The following FUT8 variants were observed in gnomAD, a reference collection of about 807,000 sequenced individuals.
FUT8 encodes the protein alpha-(1,6)-fucosyltransferase.
A neutral mutation model predicts 71.3 loss-of-function variants in FUT8; 29 were observed. That is an observed-to-expected ratio of 0.41 (90% confidence interval 0.30 to 0.55). The LOEUF (loss-of-function observed/expected upper bound fraction) is 0.55, where lower values mean the gene tolerates loss of function less well. Ranked by LOEUF, FUT8 falls within the 20% of genes least tolerant of loss-of-function variation. The pLI, the probability that FUT8 is intolerant of heterozygous loss-of-function variation, is 0.34. For synonymous variants in FUT8, 254 were observed against 239.3 expected (o/e 1.06, Z -0.57); for missense variants, 544 against 702.1 (o/e 0.77, Z 2.55).
In FUT8 at chr14:65,633,012, C is replaced by CCG. The variant is rs1464382981; in HGVS notation, c.597+3407_597+3408insGC. On this transcript the variant is annotated intron_variant, in intron 6 of 10. Transcript: ENST00000673929. Reference sequence around the variant, plus strand: ...CCCTCTCCCCTCTCCCCTCCCCCCCCCCGTCTCCCCAGGGTCTCCCTCTCC... The same window carrying CCG: ...CCCTCTCCCCTCTCCCCTCCCCCCCCCGCCGTCTCCCCAGGGTCTCCCTCTCC... 6.8e-5 allele frequency among the ~76,000 whole-genome samples: 10 copies of CCG among 147,262 alleles called. 1 individual carries two copies. Among genetic ancestry groups the CCG allele is most frequent in the Admixed American group, 6.7e-4 (10 of 14,918 alleles).
In FUT8 at chr14:65,603,618, G is replaced by A. The variant is rs1432651014; in HGVS notation, c.204-12360G>A. ...GCTCATTTTCTAATTGAGCTTCTTT[G>A]GATCTTCTCTCTTCTTTTCTTGGTT... On this transcript the variant is annotated intron_variant, in intron 3 of 10. Transcript: ENST00000673929. This position sits in a 1 kb window ranked among gnomAD's most constrained non-coding sequence, Gnocchi z 4.5. 6.6e-6 allele frequency among the ~76,000 whole-genome samples: 1 copy of A among 151,350 alleles called. No homozygotes were observed.
intron 1 of FUT8, among the ~76,000 whole-genome samples, chr14:65,441,629 T>G (rs370182395): frequency 6.6e-6 from 1 of 151,918 alleles, no homozygotes; most frequent in Admixed American, 6.6e-5. Flanking sequence ...GGCACATGCC[T>G]GTAATCCCAG....
In FUT8 at chr14:65,483,719, C is replaced by T. The variant is rs2066366282; in HGVS notation, c.-228+28001C>T. On this transcript the variant is annotated intron_variant, in intron 2 of 10. Coordinates refer to ENST00000673929, the MANE Select transcript of FUT8 (RefSeq NM_001371533.1). The surrounding 1 kb of genome is among the most constrained non-coding windows in gnomAD (Gnocchi z 4.4). ...TTTTATAAATATTTAAATAACATAT[C>T]AATTTTTTTTTTTTGAGACAGAGTT... 6.6e-6 allele frequency among the ~76,000 whole-genome samples: 1 copy of T among 150,940 alleles called. No individual in the cohort carries two copies. Among genetic ancestry groups the T allele is most frequent in the South Asian group, 2.1e-4 (1 of 4,800 alleles).
chr14:65,698,948 C>G (rs550965535), intron 7 of FUT8, among the ~76,000 whole-genome samples: 3 of 152,146 alleles, frequency 2.0e-5, no homozygotes, highest in South Asian at 2.1e-4. Flanking sequence ...GATTGAGATA[C>G]CTCTGAGAGT....
intron 1 of FUT8, among the ~76,000 whole-genome samples, chr14:65,454,032 C>G (rs944954142): frequency 2.0e-5 from 3 of 152,162 alleles, no homozygotes; most frequent in African/African-American, 7.2e-5. Flanking sequence ...GAACACAGAT[C>G]TACACTAATT....
At chr14:65,532,195 A>G (rs748871772) in intron 2 of FUT8, among the ~76,000 whole-genome samples, 1 of 152,210 alleles carries the variant, frequency 6.6e-6, no homozygotes, top group Non-Finnish European at 1.5e-5. Flanking sequence ...AGAAATGGCC[A>G]CACTGCTTTC....
chr14:65,525,722 G>C (rs942390497), intron 2 of FUT8, among the ~76,000 whole-genome samples: 6 of 152,044 alleles, frequency 3.9e-5, no homozygotes, highest in East Asian at 1.9e-4. Flanking sequence ...TCCCTCTACA[G>C]ACTGCTTTAA....
intron 1 of FUT8, among the ~76,000 whole-genome samples, chr14:65,448,359 T>TA (rs1378907979): frequency 6.6e-6 from 1 of 152,196 alleles, no homozygotes; most frequent in Non-Finnish European, 1.5e-5. Flanking sequence ...AACTCATGCT[T>TA]ATCAGGAGGA....
intron 7 of FUT8, among the ~76,000 whole-genome samples, chr14:65,687,166 G>A (rs943652229): frequency 7.9e-5 from 12 of 151,586 alleles, no homozygotes; most frequent in African/African-American, 2.7e-4. Flanking sequence ...AATCATTCCA[G>A]GACTAGCCCT....
At chr14:65,633,856 C>T (rs932038669) in intron 6 of FUT8, among the ~76,000 whole-genome samples, 6 of 151,486 alleles carry the variant, frequency 4.0e-5, no homozygotes, top group Non-Finnish European at 7.4e-5. Flanking sequence ...GGTGGGGGGT[C>T]AGCCCCCACT....
At chr14:65,493,535 C>G (rs981106063) in intron 2 of FUT8, among the ~76,000 whole-genome samples, 1 of 152,074 alleles carries the variant, frequency 6.6e-6, no homozygotes, top group Non-Finnish European at 1.5e-5. Flanking sequence ...ACTGAAGTCT[C>G]AGGTACTGTG....
chr14:65,441,943 C>T (rs1215596655), intron 1 of FUT8, among the ~76,000 whole-genome samples: 1 of 151,944 alleles, frequency 6.6e-6, no homozygotes, highest in Non-Finnish European at 1.5e-5. Context: ...TGCTATCCCT[C>T]CTCCTCCCAC....
At chr14:65,696,472 C>G (rs1444297816) in intron 7 of FUT8, among the ~76,000 whole-genome samples, 1 of 152,088 alleles carries the variant, frequency 6.6e-6, no homozygotes, top group Non-Finnish European at 1.5e-5. Flanking sequence ...CAGCGTTTTT[C>G]AAAATTTTTT....
At position 65,667,742 on chromosome 14, in the gene FUT8, C is replaced by G. The variant is rs74480671; in HGVS notation, c.598-1501C>G. ...GCCATCCTAAGCAAAAAGAACAAAG[C>G]TGGAAGCACCGCATTACCCGAATTC... On this transcript the variant is annotated intron_variant, in intron 6 of 10. Coordinates refer to ENST00000673929, the MANE Select transcript of FUT8 (RefSeq NM_001371533.1). Among the ~76,000 whole-genome samples the G allele has an allele frequency of 2.3e-4, 35 of 152,216 alleles. 1 individual carries two copies. In the East Asian group the frequency reaches 6.6e-3, roughly 29 times the overall value.
intron 5 of FUT8, among the ~76,000 whole-genome samples, chr14:65,617,497 G>A (rs957654470): frequency 1.3e-5 from 2 of 152,128 alleles, no homozygotes; most frequent in African/African-American, 4.8e-5. Context: ...TAGGCACGAA[G>A]CATCTCTTAA....
At chr14:65,665,528 G>A (rs1018861484) in intron 6 of FUT8, among the ~76,000 whole-genome samples, 2 of 152,078 alleles carry the variant, frequency 1.3e-5, no homozygotes, top group African/African-American at 2.4e-5. Context: ...AAAGCAGTGT[G>A]GAAATTACTC....
chr14:65,534,074 G>A (rs1193414247), intron 2 of FUT8, among the ~76,000 whole-genome samples: 3 of 152,082 alleles, frequency 2.0e-5, no homozygotes, highest in Non-Finnish European at 4.4e-5. Context: ...CAAGGATATT[G>A]ACTTGAAGTT....
chr14:65,526,011 T>C (rs898835013), intron 2 of FUT8, among the ~76,000 whole-genome samples: 3 of 152,220 alleles, frequency 2.0e-5, no homozygotes, highest in African/African-American at 7.2e-5. Flanking sequence ...ATAAGTGCGA[T>C]GTGGTGTTGA....
chr14:65,640,539 T>A (rs1321623968), intron 6 of FUT8, among the ~76,000 whole-genome samples: 1 of 152,100 alleles, frequency 6.6e-6, no homozygotes, highest in African/African-American at 2.4e-5. Flanking sequence ...TAGAAATCTG[T>A]CAACAGTATT....
Sources: gnomAD v4.1 joint callset for allele counts (sites outside exome capture counted in the v4.1 genomes callset) on GRCh38, gnomAD v4.1.1 for gene constraint, Gnocchi (gnomAD v3.1) non-coding constraint, MANE v1.5 for transcripts, NCBI Gene and HGNC (gene_info 2026-07-23, HGNC 2026-07-21) for gene names.